HPSE2: variants seen among roughly 807,000 people sequenced by gnomAD.
HPSE2 encodes heparanase 2 (inactive).
HPSE2 carries 38 observed loss-of-function variants against 60.5 expected under a neutral mutation model. The ratio of observed to expected loss-of-function variants is 0.63; its 90% confidence interval spans 0.48 to 0.82. HPSE2 has a LOEUF of 0.82. HPSE2 is among the 40% of genes least tolerant of loss of function. HPSE2 has a pLI of 0.00. For missense variants in HPSE2, 713 were observed against 740.4 expected, an observed-to-expected ratio of 0.96 and a Z score of 0.43; for synonymous variants, 295 against 293.2, an observed-to-expected ratio of 1.01 and a Z score of -0.06.
chr10:98,697,357 G>A (rs952771151), intron 5 of HPSE2, among the ~76,000 whole-genome samples: 3 of 152,282 alleles, frequency 2.0e-5, no homozygotes, highest in Middle Eastern at 3.4e-3. Context: ...ACGTTGTGAA[G>A]TATACACAAG....
intron 9 of HPSE2, among the ~76,000 whole-genome samples, chr10:98,536,870 A>C (rs1225455439): frequency 1.3e-5 from 2 of 152,094 alleles, no homozygotes; most frequent in Non-Finnish European, 2.9e-5. Context: ...GTTTGGCTGG[A>C]GAACAGAGCG....
chr10:99,124,164 G>T (rs1377278839), intron 3 of HPSE2, among the ~76,000 whole-genome samples: 5 of 152,162 alleles, frequency 3.3e-5, no homozygotes, highest in African/African-American at 1.2e-4. Flanking sequence ...ACCTGGAGTG[G>T]GTGGCTCATA....
chr10:98,857,688 G>A (rs556126097), intron 3 of HPSE2, among the ~76,000 whole-genome samples: 9 of 152,182 alleles, frequency 5.9e-5, no homozygotes, highest in African/African-American at 2.2e-4. Flanking sequence ...AAGCAAAGAT[G>A]AGAATTAAAT....
chr10:99,190,481 A>G (rs1461373792), intron 2 of HPSE2, among the ~76,000 whole-genome samples: 13 of 152,232 alleles, frequency 8.5e-5, no homozygotes, highest in Admixed American at 8.5e-4. Context: ...ACTAAGGCCT[A>G]GCAACATTAA....
At chr10:98,665,900 T>C (rs561029906) in intron 6 of HPSE2, among the ~76,000 whole-genome samples, 97 of 152,162 alleles carry the variant, frequency 6.4e-4, no homozygotes, top group African/African-American at 2.3e-3. Flanking sequence ...AAAAAGCTAA[T>C]AACATGATGA....
At chr10:98,518,104 A>T (rs1262196220) in intron 9 of HPSE2, among the ~76,000 whole-genome samples, 1 of 152,190 alleles carries the variant, frequency 6.6e-6, no homozygotes, top group Non-Finnish European at 1.5e-5. Context: ...TAATCAGGGA[A>T]GGCTTTTGAA....
the HPSE2 span, among the ~76,000 whole-genome samples, chr10:99,266,941 G>A: frequency 5.3e-5 from 8 of 152,132 alleles, no homozygotes; most frequent in Admixed American, 5.2e-4. Flanking sequence ...ACATCCCTAG[G>A]GGAAGGGGGA....
chr10:98,722,498 C>T (rs568375434), intron 4 of HPSE2, among the ~76,000 whole-genome samples: 29 of 151,994 alleles, frequency 1.9e-4, no homozygotes, highest in African/African-American at 6.0e-4. Flanking sequence ...TTTTAAGCCA[C>T]GAAATTTGTG....
chr10:98,795,552 A>C (rs1437455040), intron 3 of HPSE2, among the ~76,000 whole-genome samples: 1 of 152,202 alleles, frequency 6.6e-6, no homozygotes, highest in East Asian at 1.9e-4. Context: ...TCACCGCCAC[A>C]GGTCAAAGTG....
chr10:98,977,588 G>A (rs1261065848), intron 3 of HPSE2, among the ~76,000 whole-genome samples: 1 of 152,148 alleles, frequency 6.6e-6, no homozygotes, highest in African/African-American at 2.4e-5. Flanking sequence ...AACAGTGGTA[G>A]AGTCTGGCAA....
intron 9 of HPSE2, among the ~76,000 whole-genome samples, chr10:98,504,662 C>A (rs1591282586): frequency 1.3e-5 from 2 of 152,188 alleles, no homozygotes; most frequent in East Asian, 3.9e-4. Context: ...TGGTGGCAAG[C>A]ACCTGTAGTC....
chr10:99,306,705 T>G, the HPSE2 span, among the ~76,000 whole-genome samples: 1 of 152,028 alleles, frequency 6.6e-6, no homozygotes, highest in Non-Finnish European at 1.5e-5. Context: ...CTTGTTTTTT[T>G]GTTTGTTTGT....
chr10:99,210,310 T>A (rs1178852726), intron 2 of HPSE2, among the ~76,000 whole-genome samples: 1 of 152,142 alleles, frequency 6.6e-6, no homozygotes, highest in Non-Finnish European at 1.5e-5. Flanking sequence ...AAGGCCAGGA[T>A]CCGACAGCTT....
chr10:98,690,754 C>T (rs1948058630), intron 6 of HPSE2, among the ~76,000 whole-genome samples: 2 of 151,622 alleles, frequency 1.3e-5, no homozygotes, highest in African/African-American at 2.4e-5. Flanking sequence ...CTCCACTATA[C>T]TTGTAATTAT....
chr10:99,153,789 C>A (rs1007567056), intron 2 of HPSE2, among the ~76,000 whole-genome samples: 33 of 152,134 alleles, frequency 2.2e-4, no homozygotes, highest in African/African-American at 7.5e-4. Flanking sequence ...AGGCTTCAGA[C>A]GATCAAATTA....
intron 6 of HPSE2, among the ~76,000 whole-genome samples, chr10:98,678,101 T>C (rs1445545985): frequency 6.6e-6 from 1 of 152,182 alleles, no homozygotes; most frequent in Non-Finnish European, 1.5e-5. Flanking sequence ...GAATGATGAA[T>C]GTAAGTGTGG....
rs371137564 is a variant in HPSE2, at chr10:99,179,582, C to T, written c.449-35183G>A. 4.3e-4 allele frequency among the ~76,000 whole-genome samples: 65 copies of T among 152,196 alleles called. 1 individual carries two copies. The East Asian group carries it at 0.013, about 29-fold the overall frequency. On this transcript the variant is annotated intron_variant, in intron 2 of 11. Coordinates refer to ENST00000370552, the MANE Select transcript of HPSE2 (RefSeq NM_021828.5). ...ATGTGAAGGACCTCTTCAAGAACTA[C>T]AAACCACGGCTCAAGGAAATAAGAG...
At chr10:98,868,364 G>T (rs117780022) in intron 3 of HPSE2, among the ~76,000 whole-genome samples, 4,521 of 152,120 alleles carry the variant, frequency 0.03, 112 homozygotes, top group Non-Finnish European at 0.045. Context: ...GGGAGGTGGT[G>T]TGGGCAGCGG....
chr10:98,547,604 A>G (rs536197950), intron 9 of HPSE2, among the ~76,000 whole-genome samples: 247 of 133,866 alleles, frequency 1.8e-3, no homozygotes, highest in Non-Finnish European at 3.2e-3. Context: ...GAATTGAACA[A>G]TGAGAACACA....
Sources: allele counts gnomAD v4.1 joint callset (sites outside exome capture counted in the v4.1 genomes callset), GRCh38; gene constraint gnomAD v4.1.1; transcripts MANE v1.5; gene names NCBI Gene and HGNC (gene_info 2026-07-23, HGNC 2026-07-21).